KRT82: variants seen among roughly 807,000 people sequenced by gnomAD.
The protein encoded by KRT82 is keratin, type II cuticular Hb2.
KRT82 carries 44 observed loss-of-function variants against 48.0 expected under a neutral mutation model. That is an observed-to-expected ratio of 0.92 (90% CI 0.72 to 1.18). The LOEUF is 1.18. KRT82 is among the 50% of genes most tolerant of loss of function. KRT82 has a pLI of 0.00. For missense variants in KRT82, 701 were observed against 671.4 expected, an observed-to-expected ratio of 1.04 and a Z score of -0.49; for synonymous variants, 297 against 278.3, an observed-to-expected ratio of 1.07 and a Z score of -0.67.
At chr12:52,396,707 C>T (rs1238619594) in intron 6 of KRT82, among the ~76,000 whole-genome samples, 176 bp downstream of exon 6, 5 of 152,210 alleles carry the variant, frequency 3.3e-5, no homozygotes, top group African/African-American at 4.8e-5. Flanking sequence ...GGCTGCTCAT[C>T]CTGCTGTGGG....
At chr12:52,403,613 C>G in intron 2 of KRT82, 88 bp downstream of exon 2, 1 of 866,766 alleles carries the variant, frequency 1.2e-6, no homozygotes, top group Non-Finnish European at 1.8e-6. Flanking sequence ...GTTTAGGCTT[C>G]CCATTTTATA....
At position 52,397,281 on chromosome 12, in the gene KRT82, T is replaced by A. The variant is rs902543279; in HGVS notation, c.943-273A>T. On this transcript the variant is annotated intron_variant, in intron 5 of 8. Transcript: ENST00000257974. ...GATCCCCTCCTCTGTTGAGCTGTTC[T>A]GTGTCTGGTCCTTTTCTCTGTCCCA... Among the ~76,000 whole-genome samples, 66 of 152,328 alleles carry A rather than the reference T, an allele frequency of 4.3e-4. 1 individual carries two copies. The highest frequency in any genetic ancestry group is 1.4e-3 in the African/African-American group (57 of 41,572).
chr12:52,399,308 G>A (rs1203048409), intron 5 of KRT82, among the ~76,000 whole-genome samples: 3 of 152,202 alleles, frequency 2.0e-5, no homozygotes, highest in Non-Finnish European at 2.9e-5. Flanking sequence ...TGGAATGAAA[G>A]CGACATGAAG....
Position 52,403,730 on chromosome 12 carries a change from G to C in KRT82, c.591C>G (p.Leu197=), listed in dbSNP as rs772904319. 3.7e-6 allele frequency: 6 copies of C among 1,610,262 alleles called. No homozygotes were observed. In the Admixed American group the frequency reaches 8.3e-5, roughly 22 times the overall value. Residue 197 remains leucine, a synonymous_variant, in exon 2 of 9, where the codon CTC becomes CTG. Transcript: ENST00000257974. ...RVRLESELCS[L]QAALEGYKKK... ...TCTTGTAGCCCTCCAGTGCAGCCTG[G>C]AGGCTGCAGAGCTCTGACTCTAGCC...
At chr12:52,401,042 C>A (rs546290139) in intron 3 of KRT82, among the ~76,000 whole-genome samples, 2 of 152,292 alleles carry the variant, frequency 1.3e-5, no homozygotes, top group African/African-American at 2.4e-5. Context: ...CCAGCTTCGG[C>A]CTGCATGAGT....
Position 52,405,983 on chromosome 12 carries a change from C to T in KRT82, c.295G>A (p.Glu99Lys), listed in dbSNP as rs1592155982. The change falls in exon 1 of 9, where the codon GAG becomes AAG. Residue 99 changes from glutamate (E) to lysine (K), a missense_variant. By Grantham distance (56) the Glu-to-Lys change is moderately conservative. Transcript: ENST00000257974. The stretch of plus-strand genomic sequence containing the variant: ...AGTGCCAGTGGGACCAGCAGGCTCT[C>T]ATTGATGGTGACAGGGGTGATGCAG... ...SACITPVTIN[E>K]SLLVPLALEI... is the part of the protein sequence containing the mutation. 3.7e-6 allele frequency: 6 copies of T among 1,614,244 alleles called. No homozygotes were observed. Among genetic ancestry groups the T allele is most frequent in the East Asian group, 4.5e-5 (2 of 44,890 alleles).
chr12:52,405,653 A>G (rs1422957999), intron 1 of KRT82, among the ~76,000 whole-genome samples: 1 of 152,268 alleles, frequency 6.6e-6, no homozygotes. Context: ...GAAAGATGAT[A>G]TATTTTAAGA....
At chr12:52,400,272 G>A in intron 4 of KRT82, 123 bp from the exon 5 acceptor site, 1 of 1,038,650 alleles carries the variant, frequency 9.6e-7, no homozygotes, top group Non-Finnish European at 1.4e-6. Flanking sequence ...GCTGTTCTGG[G>A]CTTCAGTCAC....
chr12:52,405,946 G>T lies in KRT82; in HGVS notation c.332C>A (p.Pro111Gln), dbSNP rs564689486. The T allele has an allele frequency of 8.1e-6, 13 of 1,614,186 alleles. 1 individual carries two copies. In the South Asian group the frequency reaches 1.2e-4, roughly 15 times the overall value. ...LLVPLALEID[P>Q]TVQRVKRDEK... Reference sequence around the variant, plus strand: ...ATCCCTCTTTACCCTCTGCACAGTCGGGTCTATCTCCAGTGCCAGTGGGAC... The same window carrying T: ...ATCCCTCTTTACCCTCTGCACAGTCTGGTCTATCTCCAGTGCCAGTGGGAC... The change falls in exon 1 of 9, where the codon CCG (proline) becomes CAG (glutamine). Residue 111 changes from proline (P) to glutamine (Q), a missense_variant. Transcript: ENST00000257974.
At position 52,395,102 on chromosome 12, in the gene KRT82, C is replaced by T; in HGVS notation, c.1415G>A (p.Cys472Tyr). The T allele has an allele frequency of 3.1e-6, 5 of 1,614,100 alleles. No homozygotes were observed. Among genetic ancestry groups the T allele is most frequent in the Non-Finnish European group, 4.2e-6 (5 of 1,179,992 alleles). ...STGVLRSNGG[C>Y]SIVGTGELYV... ...GAGTTCACCAGTGCCCACGATGCTG[C>T]AGCCCCCATTGCTCCTGAGGACGCC... Residue 472 changes from cysteine (C) to tyrosine (Y), a missense_variant, in exon 9 of 9, where the codon TGC becomes TAC. Cys to Tyr is a radical substitution (Grantham distance 194). Coordinates refer to ENST00000257974, the MANE Select transcript of KRT82 (RefSeq NM_033033.4).
At chr12:52,403,000 C>T (rs772749540) in intron 2 of KRT82, among the ~76,000 whole-genome samples, 5 of 152,266 alleles carry the variant, frequency 3.3e-5, no homozygotes, top group Non-Finnish European at 4.4e-5. Context: ...GCACTCAGCC[C>T]GGGACCTGGT....
chr12:52,394,537 T>G lies in KRT82; in HGVS notation c.*438A>C. The G allele has an allele frequency of 5.5e-6, 1 of 182,846 alleles. No homozygotes were observed. The highest frequency in any genetic ancestry group is 1.1e-5 in the Non-Finnish European group (1 of 87,230). The allele number at this position is 182,846 out of a possible 1,614,324, so 11.3% of individuals were successfully genotyped here. On this transcript the variant is annotated 3_prime_UTR_variant, in exon 9 of 9. Transcript: ENST00000257974. ...TTTGCAGTGTGCATGTTTCAGGCGG[T>G]GTTAAAGGAAATTCACTTTTCTTAG...
At chr12:52,396,564 T>A (rs533788939) in intron 6 of KRT82, among the ~76,000 whole-genome samples, 1 of 152,324 alleles carries the variant, frequency 6.6e-6, no homozygotes, top group African/African-American at 2.4e-5. Context: ...TTCAGGATCA[T>A]AGAATCACAG....
intron 1 of KRT82, 53 bp from the exon 2 acceptor site, chr12:52,403,962 C>T: frequency 1.3e-6 from 2 of 1,536,534 alleles, no homozygotes; most frequent in Non-Finnish European, 1.8e-6. Flanking sequence ...GGGACCATGA[C>T]TTAGAGAGGG....
At chr12:52,404,016 A>C in intron 1 of KRT82, 107 bp from the exon 2 acceptor site, 1 of 1,115,166 alleles carries the variant, frequency 9.0e-7, no homozygotes, top group Non-Finnish European at 1.3e-6. Flanking sequence ...CATGGCTACC[A>C]GTGCACTAGA....
At chr12:52,395,609 C>G (rs1939701546) in intron 8 of KRT82, 150 bp downstream of exon 8, 12 of 624,648 alleles carry the variant, frequency 1.9e-5, no homozygotes, top group Non-Finnish European at 3.1e-5. Context: ...ATAGCCCTTT[C>G]CACCAGCCTG....
At position 52,396,908 on chromosome 12, in the gene KRT82, T is replaced by C. The variant is rs1306129556; in HGVS notation, c.1043A>G (p.Gln348Arg). The C allele has an allele frequency of 4.3e-6, 7 of 1,614,168 alleles. No homozygotes were observed. The highest frequency in any genetic ancestry group is 1.3e-5 in the African/African-American group (1 of 75,056). ...CTGGGCTTTGACATTCTCGGTTTCT[T>C]GCTGCAGCCGCTGGATCAGTTTATT... is the stretch of plus-strand genomic sequence containing the variant. Reference protein sequence around the residue: ...EMNKLIQRLQQETENVKAQRC... With the variant: ...EMNKLIQRLQRETENVKAQRC... The change falls in exon 6 of 9, where the codon CAA becomes CGA. Residue 348 changes from glutamine (Q) to arginine (R), a missense_variant. By Grantham distance (43) the Gln-to-Arg change is conservative. Coordinates refer to ENST00000257974, the MANE Select transcript of KRT82 (RefSeq NM_033033.4).
At chr12:52,399,513 C>T (rs1340508060) in intron 5 of KRT82, among the ~76,000 whole-genome samples, 3 of 152,206 alleles carry the variant, frequency 2.0e-5, no homozygotes, top group African/African-American at 4.8e-5. Context: ...TTAGGGCCCC[C>T]CTGCCCTCCA....
chr12:52,396,315 G>A, intron 6 of KRT82, 83 bp from the exon 7 acceptor site: 2 of 1,294,740 alleles, frequency 1.5e-6, no homozygotes, highest in Non-Finnish European at 2.1e-6. Context: ...GAACACGGGG[G>A]TGGCTACGTG....
Sources: gnomAD v4.1 joint callset for allele counts (sites outside exome capture counted in the v4.1 genomes callset) on GRCh38, gnomAD v4.1.1 for gene constraint, MANE v1.5 for transcripts, NCBI Gene and HGNC (gene_info 2026-07-23, HGNC 2026-07-21) for gene names.